Variants in MSRA observed in about 807,000 individuals in gnomAD.
MSRA encodes the protein methionine sulfoxide reductase A, also known as mitochondrial peptide methionine sulfoxide reductase.
In MSRA, 54 loss-of-function variants were observed where a neutral mutation model predicts 31.3. The ratio of observed to expected loss-of-function variants is 1.73; its 90% CI spans 1.39 to 2.17. MSRA has a LOEUF of 2.17. Ranked by LOEUF, MSRA falls within the 30% of genes most tolerant of loss-of-function variation. MSRA has a pLI of 0.00. For missense variants in MSRA, 507 were observed against 300.9 expected, an observed-to-expected ratio of 1.69 and a Z score of -5.07; for synonymous variants, 169 against 116.5, an observed-to-expected ratio of 1.45 and a Z score of -2.90.
intron 5 of MSRA, among the ~76,000 whole-genome samples, chr8:10,351,798 A>G (rs1273069730): frequency 6.6e-6 from 1 of 152,180 alleles, no homozygotes; most frequent in African/African-American, 2.4e-5. Flanking sequence ...GATCTTGGTA[A>G]AATGCAGATT....
chr8:10,344,274 A>T (rs1326661226), intron 5 of MSRA, among the ~76,000 whole-genome samples: 1 of 152,086 alleles, frequency 6.6e-6, no homozygotes, highest in African/African-American at 2.4e-5. Context: ...GTTCACCTCT[A>T]ATGGTGGACT....
intron 5 of MSRA, among the ~76,000 whole-genome samples, chr8:10,391,907 C>T (rs1161169377): frequency 1.3e-5 from 2 of 150,570 alleles, no homozygotes. Flanking sequence ...GTGAACATTT[C>T]CTGACCTATG....
intron 3 of MSRA, among the ~76,000 whole-genome samples, chr8:10,281,501 C>T (rs1799621774): frequency 6.6e-6 from 1 of 152,220 alleles, no homozygotes; most frequent in South Asian, 2.1e-4. Context: ...CTAACAAGCA[C>T]ACCCGACCTA....
chr8:10,271,866 G>A (rs1410840729), intron 3 of MSRA, among the ~76,000 whole-genome samples: 2 of 151,982 alleles, frequency 1.3e-5, no homozygotes, highest in Admixed American at 6.5e-5. Context: ...TTATAGGCAC[G>A]TGCTACCACG....
chr8:10,347,958 T>G (rs1398918244), intron 5 of MSRA, among the ~76,000 whole-genome samples: 2 of 152,238 alleles, frequency 1.3e-5, no homozygotes. Flanking sequence ...CTTACTGAAC[T>G]AAGCTCATTG....
intron 1 of MSRA, among the ~76,000 whole-genome samples, chr8:10,186,676 G>A (rs1807082760): frequency 6.6e-6 from 1 of 152,164 alleles, no homozygotes; most frequent in Non-Finnish European, 1.5e-5. Flanking sequence ...TTTAACTGCA[G>A]GTGAAAGGCT....
chr8:10,109,208 T>C (rs1800104087), intron 1 of MSRA, among the ~76,000 whole-genome samples: 1 of 152,234 alleles, frequency 6.6e-6, no homozygotes, highest in African/African-American at 2.4e-5. Flanking sequence ...AGGAACCATA[T>C]TTGACATCAT....
chr8:10,074,650 T>G (rs1460728557), intron 1 of MSRA, among the ~76,000 whole-genome samples: 2 of 152,252 alleles, frequency 1.3e-5, no homozygotes, highest in Admixed American at 6.5e-5. Flanking sequence ...ACACCCCTTC[T>G]TCTTCTTTTC....
intron 1 of MSRA, among the ~76,000 whole-genome samples, chr8:10,076,395 C>T (rs1797997094): frequency 6.6e-6 from 1 of 152,202 alleles, no homozygotes; most frequent in Non-Finnish European, 1.5e-5. Flanking sequence ...TGGCCTTCAA[C>T]TCCACCTGAG....
chr8:10,344,899 G>C (rs1267559399), intron 5 of MSRA, among the ~76,000 whole-genome samples: 3 of 152,174 alleles, frequency 2.0e-5, no homozygotes, highest in African/African-American at 7.2e-5. Flanking sequence ...GGTGGTTTAA[G>C]ACAAAAATAA....
intron 4 of MSRA, among the ~76,000 whole-genome samples, chr8:10,316,594 C>G (rs191015155): frequency 9.5e-5 from 14 of 146,818 alleles, no homozygotes; most frequent in Non-Finnish European, 2.1e-4. Flanking sequence ...CCTCTTCTCC[C>G]CCTCCCTCTC....
At chr8:10,389,607 C>T (rs933943515) in intron 5 of MSRA, among the ~76,000 whole-genome samples, 4 of 152,182 alleles carry the variant, frequency 2.6e-5, no homozygotes, top group African/African-American at 9.7e-5. Flanking sequence ...CTCTTCTGCC[C>T]ACCCACCGGG....
intron 4 of MSRA, among the ~76,000 whole-genome samples, chr8:10,314,821 C>T (rs1464585489): frequency 6.6e-6 from 1 of 152,108 alleles, no homozygotes; most frequent in Non-Finnish European, 1.5e-5. Flanking sequence ...ATGGAAGGAC[C>T]TCATGATCAT....
At chr8:10,225,989 C>T (rs891423104) in intron 2 of MSRA, among the ~76,000 whole-genome samples, 1 of 152,146 alleles carries the variant, frequency 6.6e-6, no homozygotes, top group Non-Finnish European at 1.5e-5. Flanking sequence ...GTGTGAAATT[C>T]CTCAGATTCA....
At chr8:10,337,314 G>A (rs1444744671) in intron 5 of MSRA, 2 of 165,130 alleles carry the variant, frequency 1.2e-5, no homozygotes, top group Non-Finnish European at 1.3e-5. Context: ...CGAGTAGCTG[G>A]GACTACAGGC....
chr8:10,096,415 G>C (rs1463376896), intron 1 of MSRA: 1 of 428,770 alleles, frequency 2.3e-6, no homozygotes, highest in East Asian at 1.5e-4. Flanking sequence ...TATGCGATTA[G>C]TGAATTCTCA....
At chr8:10,401,029 C>G (rs925489660) in intron 5 of MSRA, among the ~76,000 whole-genome samples, 1 of 150,686 alleles carries the variant, frequency 6.6e-6, no homozygotes, top group African/African-American at 2.4e-5. Context: ...AAAGCACAGA[C>G]AACACAAGAA....
At chr8:10,228,648 C>G (rs1241142583) in intron 2 of MSRA, among the ~76,000 whole-genome samples, 1 of 152,150 alleles carries the variant, frequency 6.6e-6, no homozygotes, top group Non-Finnish European at 1.5e-5. Flanking sequence ...GCAGAAAGGA[C>G]GTCGGCTTTG....
chr8:10,265,016 A>G (rs1278720610), intron 3 of MSRA, among the ~76,000 whole-genome samples: 1 of 152,188 alleles, frequency 6.6e-6, no homozygotes, highest in Non-Finnish European at 1.5e-5. Flanking sequence ...AGATTAGGTC[A>G]CAACAGACTG....
Sources: gnomAD v4.1 joint callset for allele counts (sites outside exome capture counted in the v4.1 genomes callset) on GRCh38, gnomAD v4.1.1 for gene constraint, MANE v1.5 for transcripts, NCBI Gene and HGNC (gene_info 2026-07-23, HGNC 2026-07-21) for gene names.